Variants in SIM1 observed in about 807,000 individuals in gnomAD.
SIM1 encodes SIM bHLH transcription factor 1.
Under a neutral mutation model 78.2 loss-of-function variants are expected in SIM1, and 18 were observed. The ratio of observed to expected loss-of-function variants is 0.23; its 90% CI spans 0.16 to 0.34. The LOEUF is 0.34. Ranked by LOEUF, SIM1 falls within the 10% of genes least tolerant of loss-of-function variation. The pLI, the probability that SIM1 is intolerant of heterozygous loss-of-function variation, is 1.00. For missense variants in SIM1, 939 were observed against 975.1 expected, an observed-to-expected ratio of 0.96 and a Z score of 0.49; for synonymous variants, 417 against 385.2, an observed-to-expected ratio of 1.08 and a Z score of -0.97.
chr6:100,455,695 G>A (rs1772631716), intron 2 of SIM1, among the ~76,000 whole-genome samples: 1 of 152,208 alleles, frequency 6.6e-6, no homozygotes, highest in Non-Finnish European at 1.5e-5. Context: ...CGGGGACGAA[G>A]GGCCGGGGCA....
intron 10 of SIM1, among the ~76,000 whole-genome samples, chr6:100,420,468 A>T (rs1267728461): frequency 1.3e-5 from 2 of 152,042 alleles, no homozygotes; most frequent in Non-Finnish European, 2.9e-5. Flanking sequence ...GTATTTTGTT[A>T]TGCTGGCTAC....
At chr6:100,431,583 G>A (rs140621525) in intron 9 of SIM1, among the ~76,000 whole-genome samples, 182 of 152,272 alleles carry the variant, frequency 1.2e-3, no homozygotes, top group Admixed American at 3.5e-3. Context: ...TAAGTTCTGA[G>A]TATTTGCTAG....
chr6:100,413,618 A>G (rs2114494736), intron 10 of SIM1, among the ~76,000 whole-genome samples: 1 of 152,274 alleles, frequency 6.6e-6, no homozygotes, highest in East Asian at 1.9e-4. Context: ...ATGCATTCTA[A>G]ATGCCATGTA....
chr6:100,422,378 AT>A (rs1268094045), intron 9 of SIM1, among the ~76,000 whole-genome samples: 7 of 152,004 alleles, frequency 4.6e-5, no homozygotes, highest in African/African-American at 9.7e-5. Flanking sequence ...TAATTTTTGT[AT>A]TTTTAGTAGA....
chr6:100,436,355 T>C (rs539435935), intron 9 of SIM1, among the ~76,000 whole-genome samples: 31 of 152,316 alleles, frequency 2.0e-4, no homozygotes, highest in African/African-American at 6.3e-4. Context: ...AAGCCTTTTA[T>C]GAATGCTTAA....
chr6:100,455,770 G>A (rs1314747152), intron 2 of SIM1, among the ~76,000 whole-genome samples: 1 of 152,214 alleles, frequency 6.6e-6, no homozygotes, highest in African/African-American at 2.4e-5. Flanking sequence ...CGCGGTTCCC[G>A]AAGGGTGCGA....
chr6:100,399,979 A>C (rs1770865854), intron 10 of SIM1, among the ~76,000 whole-genome samples: 1 of 151,962 alleles, frequency 6.6e-6, no homozygotes, highest in African/African-American at 2.4e-5. Context: ...GCAAAGTAGA[A>C]CTCAGGCTTT....
Position 100,386,867 on chromosome 6 carries a change from C to A in SIM1, c.*3494G>T, listed in dbSNP as rs905962167. The A allele has an allele frequency of 2.0e-5, 3 of 152,004 alleles. No individual in the cohort carries two copies. The highest frequency in any genetic ancestry group is 4.4e-5 in the Non-Finnish European group (3 of 67,920). The allele number at this position is 152,004 out of a possible 1,614,324, so 9.4% of individuals were successfully genotyped here. On this transcript the variant is annotated 3_prime_UTR_variant, in exon 12 of 12. Coordinates refer to ENST00000369208, the MANE Select transcript of SIM1 (RefSeq NM_005068.3). ...ATCAGGCAATTACAGTTTAGGTAAG[C>A]GAGCACAATATGACAAAAGACTTGT...
intron 2 of SIM1, among the ~76,000 whole-genome samples, chr6:100,461,972 GT>G (rs1262651676): frequency 6.6e-6 from 1 of 151,354 alleles, no homozygotes; most frequent in Non-Finnish European, 1.5e-5. Context: ...ATCACTTGTA[GT>G]TTGAAGGTAG....
At position 100,390,444 on chromosome 6, in the gene SIM1, C is replaced by T; in HGVS notation, c.2218G>A (p.Asp740Asn). 1 of 1,614,144 alleles carries T rather than the reference C, an allele frequency of 6.2e-7. No individual in the cohort carries two copies. Among genetic ancestry groups the T allele is most frequent in the South Asian group, 1.1e-5 (1 of 91,080 alleles). The stretch of plus-strand genomic sequence containing the variant: ...TGCATCCTCAGATGGGAAGTTACAT[C>T]AAAGTGTGAGCCATTACAGCCCAAG... ...YSLGCNGSHF[D>N]VTSHLRMQPD... The change falls in exon 12 of 12, where the codon GAT (aspartate) becomes AAT (asparagine). Residue 740 changes from aspartate (D) to asparagine (N), a missense_variant. Physicochemically the swap from Asp to Asn is conservative, Grantham distance 23 (BLOSUM62 1). Around this residue, in one of 5 missense-constraint regions of SIM1, gnomAD observed 556 missense variants for 521.9 expected, o/e 1.07. Coordinates refer to ENST00000369208, the MANE Select transcript of SIM1 (RefSeq NM_005068.3).
At chr6:100,431,718 G>GGCA (rs1771906013) in intron 9 of SIM1, among the ~76,000 whole-genome samples, 2 of 152,152 alleles carry the variant, frequency 1.3e-5, no homozygotes. Context: ...AGACAGAATA[G>GGCA]GCAGCAGCAG....
intron 2 of SIM1, among the ~76,000 whole-genome samples, chr6:100,457,172 C>T (rs1772686929): frequency 6.6e-6 from 1 of 152,252 alleles, no homozygotes; most frequent in African/African-American, 2.4e-5. Context: ...CGCCCTCACT[C>T]TGACAGGAAG....
At chr6:100,456,233 C>T (rs1247602406) in intron 2 of SIM1, among the ~76,000 whole-genome samples, 2 of 152,166 alleles carry the variant, frequency 1.3e-5, no homozygotes, top group South Asian at 4.1e-4. Flanking sequence ...GTAAGGGGTC[C>T]CCCCTCCCTA....
chr6:100,424,656 G>T (rs1269794600), intron 9 of SIM1, among the ~76,000 whole-genome samples: 1 of 151,662 alleles, frequency 6.6e-6, no homozygotes, highest in East Asian at 1.9e-4. Context: ...GCCCAGGTTG[G>T]TCTCATACTC....
At chr6:100,412,943 A>G (rs1224396166) in intron 10 of SIM1, among the ~76,000 whole-genome samples, 1 of 152,048 alleles carries the variant, frequency 6.6e-6, no homozygotes, top group Admixed American at 6.5e-5. Flanking sequence ...AAACAGGGAT[A>G]AACCCAATCC....
rs1303939098 is a variant in SIM1, at chr6:100,385,667, T to TTGTG, written c.*4693_*4694insCACA. 3.4e-4 allele frequency: 22 copies of TTGTG among 64,730 alleles called. No homozygotes were observed. Among genetic ancestry groups the TTGTG allele is most frequent in the East Asian group, 2.9e-3 (7 of 2,434 alleles). 4.0% of individuals were successfully genotyped at this position (64,730 alleles called of 1,614,324 possible). On this transcript the variant is annotated 3_prime_UTR_variant, in exon 12 of 12. Transcript: ENST00000369208. ...CTTATGTGAACCATCATTTATTTAT[T>TTGTG]TATGTGTGTGTGTGTGTGTGTGTGT...
intron 9 of SIM1, among the ~76,000 whole-genome samples, chr6:100,421,614 G>A (rs1265934386): frequency 6.6e-6 from 1 of 152,046 alleles, no homozygotes; most frequent in East Asian, 1.9e-4. Context: ...ATAATATACT[G>A]GGGAGAAGAA....
chr6:100,435,464 G>T lies in SIM1; in HGVS notation c.998+11804C>A, dbSNP rs114677678. Among the ~76,000 whole-genome samples, 895 of 152,212 alleles carry T rather than the reference G, an allele frequency of 5.9e-3. 7 individuals are homozygous for T. The highest frequency in any genetic ancestry group is 0.02 in the African/African-American group (828 of 41,538). On this transcript the variant is annotated intron_variant, in intron 9 of 11. Transcript: ENST00000369208. ...TATGTTGTATTGGCTGAGTCACTTA[G>T]CTTCTCTGGCCTCTCACACAAAGCA...
chr6:100,393,634 C>T lies in SIM1; in HGVS notation c.1423G>A (p.Gly475Ser), dbSNP rs888839197. The T allele has an allele frequency of 5.6e-6, 9 of 1,614,058 alleles. No homozygotes were observed. The African/African-American group carries it at 8.0e-5, about 14-fold the overall frequency. The change falls in exon 11 of 12, where the codon GGC becomes AGC. Residue 475 changes from glycine to serine, a missense_variant. Around this residue, in one of 5 missense-constraint regions of SIM1, gnomAD observed 556 missense variants for 521.9 expected, o/e 1.07. Transcript: ENST00000369208. ...QACEGGRCEA[G>S]RYFLGTPQAG... ...TGCGGCGTTCCCAGGAAGTACCTGC[C>T]TGCCTCACATCGGCCTCCTTCACAG...
Sources: gnomAD v4.1 joint callset for allele counts (sites outside exome capture counted in the v4.1 genomes callset) on GRCh38, gnomAD v4.1.1 for gene constraint, gnomAD v4.1.1 regional missense constraint, MANE v1.5 for transcripts, NCBI Gene and HGNC (gene_info 2026-07-23, HGNC 2026-07-21) for gene names.